The following RGS20 variants were observed in gnomAD, a reference collection of about 807,000 sequenced individuals.
RGS20 encodes the protein gz-selective GTPase-activating protein.
In RGS20, 30 loss-of-function variants were observed where a neutral mutation model predicts 33.6. The ratio of observed to expected loss-of-function variants is 0.89; its 90% CI spans 0.67 to 1.21. The LOEUF (loss-of-function observed/expected upper bound fraction) is 1.21, where lower values mean the gene tolerates loss of function less well. Ranked by LOEUF, RGS20 falls within the 50% of genes most tolerant of loss-of-function variation. The pLI, the probability that RGS20 is intolerant of heterozygous loss-of-function variation, is 0.00. For missense variants in RGS20, 472 were observed against 502.4 expected (o/e 0.94, Z 0.58); for synonymous variants, 208 against 197.9 (o/e 1.05, Z -0.43).
chr8:53,868,392 G>A (rs1811967339), intron 1 of RGS20, among the ~76,000 whole-genome samples: 1 of 152,142 alleles, frequency 6.6e-6, no homozygotes, highest in Non-Finnish European at 1.5e-5. Context: ...CAAGGAGCGT[G>A]ACAGCCAGGA....
At chr8:53,889,714 G>A (rs983039406) in intron 2 of RGS20, among the ~76,000 whole-genome samples, 3 of 114,048 alleles carry the variant, frequency 2.6e-5, no homozygotes, top group African/African-American at 9.9e-5. Flanking sequence ...CAAGCCATCT[G>A]TCAAAATTCT....
intron 1 of RGS20, among the ~76,000 whole-genome samples, chr8:53,864,748 G>A (rs1319734636): frequency 3.9e-5 from 6 of 152,110 alleles, no homozygotes; most frequent in Non-Finnish European, 5.9e-5. Context: ...TCTGATTAAG[G>A]TCAGAGATCA....
intron 1 of RGS20, among the ~76,000 whole-genome samples, chr8:53,875,429 CAAAAAAA>C (rs755991643): frequency 5.4e-5 from 3 of 55,702 alleles, no homozygotes; most frequent in Non-Finnish European, 1.1e-4. Context: ...AAGACTCTGT[CAAAAAAA>C]AAAAAAAAAA....
chr8:53,915,908 T>C (rs1431962257), intron 2 of RGS20, among the ~76,000 whole-genome samples: 1 of 152,238 alleles, frequency 6.6e-6, no homozygotes, highest in Non-Finnish European at 1.5e-5. Flanking sequence ...TATTTTACCA[T>C]ATTTTATCGA....
intron 2 of RGS20, among the ~76,000 whole-genome samples, chr8:53,892,730 A>G (rs2129278080): frequency 6.6e-6 from 1 of 152,314 alleles, no homozygotes; most frequent in South Asian, 2.1e-4. Flanking sequence ...ACCTCTTGCC[A>G]ATATTCTCCT....
rs1255623433 is a variant in RGS20, at chr8:53,877,153, G to T, written c.166-2105G>T. ...CGTGCGTCGCAGAACAGTGCTGGGCGCTCTCTTTCAGCATTTTCGGCTTTT... is the reference window on the plus strand; with the variant it reads ...CGTGCGTCGCAGAACAGTGCTGGGCTCTCTCTTTCAGCATTTTCGGCTTTT... On this transcript the variant is annotated intron_variant, in intron 1 of 5. Transcript: ENST00000297313. This position sits in a 1 kb window ranked among gnomAD's most constrained non-coding sequence, Gnocchi z 5.7. Among the ~76,000 whole-genome samples, 2 of 152,202 alleles carry T rather than the reference G, an allele frequency of 1.3e-5. No homozygotes were observed. The highest frequency in any genetic ancestry group is 2.9e-5 in the Non-Finnish European group (2 of 68,038).
intron 3 of RGS20, 108 bp from the exon 3 acceptor site, chr8:53,946,557 G>T (rs770481557): frequency 1.0e-6 from 1 of 965,892 alleles, no homozygotes; most frequent in Non-Finnish European, 1.7e-6. Flanking sequence ...AGTAGAGGAA[G>T]AAATTCTATT....
chr8:53,946,973 T>G (rs904369153), intron 4 of RGS20, among the ~76,000 whole-genome samples: 1 of 151,368 alleles, frequency 6.6e-6, no homozygotes, highest in African/African-American at 2.4e-5. Flanking sequence ...CTTTGCTAAT[T>G]GCAAATACAA....
intron 2 of RGS20, chr8:53,879,698 G>C: frequency 1.8e-6 from 2 of 1,086,594 alleles, no homozygotes; most frequent in Non-Finnish European, 2.5e-6. Context: ...CGCTCCGCTG[G>C]GGCTAGCAGT....
intron 2 of RGS20, among the ~76,000 whole-genome samples, chr8:53,908,662 G>A (rs1376117208): frequency 6.6e-6 from 1 of 151,878 alleles, no homozygotes; most frequent in Non-Finnish European, 1.5e-5. Flanking sequence ...AATTAGCTGG[G>A]TGCAGTGGCT....
intron 1 of RGS20, among the ~76,000 whole-genome samples, chr8:53,878,510 CG>C (rs1177095967): frequency 2.6e-5 from 4 of 151,952 alleles, no homozygotes; most frequent in African/African-American, 9.7e-5. Context: ...CCGGTGTTCC[CG>C]GGAATAAGAA....
intron 2 of RGS20, among the ~76,000 whole-genome samples, chr8:53,927,001 T>C (rs982499081): frequency 6.6e-6 from 1 of 152,168 alleles, no homozygotes; most frequent in Admixed American, 6.5e-5. Flanking sequence ...AATTCCAAAA[T>C]ACTAAAAGAT....
intron 1 of RGS20, among the ~76,000 whole-genome samples, chr8:53,868,767 T>G (rs1315785532): frequency 6.6e-6 from 1 of 152,124 alleles, no homozygotes; most frequent in Admixed American, 6.5e-5. Flanking sequence ...GCATTTTTTT[T>G]TTTGAGACAG....
intron 2 of RGS20, among the ~76,000 whole-genome samples, chr8:53,916,287 G>T (rs1813480787): frequency 6.6e-6 from 1 of 152,176 alleles, no homozygotes; most frequent in African/African-American, 2.4e-5. Flanking sequence ...CTCCCAAAGT[G>T]CTGGGATTAC....
Position 53,879,471 on chromosome 8 carries a change from CT to C in RGS20, c.380del (p.Leu127ProfsTer21). On this transcript the variant is annotated frameshift_variant, in exon 2 of 6. Coordinates refer to ENST00000297313, the MANE Select transcript of RGS20 (RefSeq NM_170587.4). LOFTEE classifies it high-confidence loss of function. Reference sequence around the variant, plus strand: ...GGGGCACGAGGAGCTGCCGGGCCGCCTCTCGCTCCTGCTCGGGGCGGCGCTG... The same window carrying C: ...GGGGCACGAGGAGCTGCCGGGCCGCCCTCGCTCCTGCTCGGGGCGGCGCTG... 6.3e-7 allele frequency: 1 copy of C among 1,584,108 alleles called. No homozygotes were observed. The highest frequency in any genetic ancestry group is 8.6e-7 in the Non-Finnish European group (1 of 1,168,064).
intron 3 of RGS20, among the ~76,000 whole-genome samples, chr8:53,943,434 T>G (rs1196144924): frequency 6.6e-6 from 1 of 152,186 alleles, no homozygotes; most frequent in Non-Finnish European, 1.5e-5. Context: ...TTTTTTTCCT[T>G]TCTAGTAAGT....
intron 1 of RGS20, among the ~76,000 whole-genome samples, chr8:53,868,438 C>T (rs140079468): frequency 1.1e-3 from 167 of 152,266 alleles, no homozygotes; most frequent in African/African-American, 3.5e-3. Flanking sequence ...TACTTACTCA[C>T]GCTAACAGAA....
Position 53,958,832 on chromosome 8 carries a change from C to A in RGS20, c.*374C>A, listed in dbSNP as rs1169843525. The A allele has an allele frequency of 6.6e-6, 1 of 152,660 alleles. No homozygotes were observed. The highest frequency in any genetic ancestry group is 6.5e-5 in the Admixed American group (1 of 15,300). The allele number at this position is 152,660 out of a possible 1,614,324, so 9.5% of individuals were successfully genotyped here. A position where few individuals can be genotyped will look rare whatever the true frequency, so the allele number is the denominator to read the frequency against. On this transcript the variant is annotated 3_prime_UTR_variant, in exon 6 of 6. Transcript: ENST00000297313. ...CATGAGTTTGGTAACTGATTACTCT[C>A]CCCTCAAAGAAAAGACATTCAGGTG...
chr8:53,870,282 CAT>C (rs559366041), intron 1 of RGS20, among the ~76,000 whole-genome samples: 56 of 152,266 alleles, frequency 3.7e-4, no homozygotes, highest in Non-Finnish European at 2.1e-4. Flanking sequence ...CACACACACA[CAT>C]CTCATTCCCT....
Sources: allele counts gnomAD v4.1 joint callset (sites outside exome capture counted in the v4.1 genomes callset), GRCh38; gene constraint gnomAD v4.1.1; non-coding constraint Gnocchi (gnomAD v3.1); transcripts MANE v1.5; gene names NCBI Gene and HGNC (gene_info 2026-07-23, HGNC 2026-07-21).